The following CDH10 variants were observed in gnomAD, a reference collection of about 807,000 sequenced individuals.
CDH10 encodes the protein cadherin-10.
CDH10 carries 30 observed loss-of-function variants against 73.1 expected under a neutral mutation model. The observed-to-expected ratio is 0.41, with a 90% CI of 0.31 to 0.56. The LOEUF (loss-of-function observed/expected upper bound fraction) is 0.56. CDH10 is among the 20% of genes least tolerant of loss of function. The pLI is 0.27. For missense variants in CDH10, 815 were observed against 973.7 expected, an observed-to-expected ratio of 0.84 and a Z score of 2.17; for synonymous variants, 345 against 348.2, an observed-to-expected ratio of 0.99 and a Z score of 0.10.
intron 2 of CDH10, among the ~76,000 whole-genome samples, chr5:24,540,936 G>T (rs984601381): frequency 2.6e-5 from 4 of 151,876 alleles, no homozygotes; most frequent in African/African-American, 9.7e-5. Flanking sequence ...TAATCTAATT[G>T]TACATAAAAC....
chr5:24,521,389 G>A (rs1718981170), intron 5 of CDH10, among the ~76,000 whole-genome samples: 1 of 152,020 alleles, frequency 6.6e-6, no homozygotes, highest in Admixed American at 6.6e-5. Flanking sequence ...TACTAAAAAT[G>A]CAAAATTAGC....
chr5:24,551,767 T>G (rs1328937879), intron 2 of CDH10, among the ~76,000 whole-genome samples: 1 of 152,188 alleles, frequency 6.6e-6, no homozygotes, highest in Admixed American at 6.6e-5. Flanking sequence ...GCCCATCATC[T>G]GCTTTAGAAC....
intron 5 of CDH10, among the ~76,000 whole-genome samples, chr5:24,531,311 G>A (rs958549793): frequency 3.9e-5 from 6 of 152,000 alleles, no homozygotes; most frequent in African/African-American, 1.4e-4. Context: ...TTTTACTTAT[G>A]TATGATTTGT....
chr5:24,514,490 A>AT (rs1223486330), intron 5 of CDH10, among the ~76,000 whole-genome samples: 1 of 152,158 alleles, frequency 6.6e-6, no homozygotes, highest in Non-Finnish European at 1.5e-5. Flanking sequence ...ATAGTTCACT[A>AT]TGATTCTACC....
chr5:24,495,514 G>T (rs999724937), intron 9 of CDH10, among the ~76,000 whole-genome samples: 1 of 151,912 alleles, frequency 6.6e-6, no homozygotes, highest in Non-Finnish European at 1.5e-5. Flanking sequence ...GGGAAGCCTT[G>T]GAGTTTCCGT....
chr5:24,579,556 C>T (rs1745720126), intron 2 of CDH10, among the ~76,000 whole-genome samples: 1 of 152,054 alleles, frequency 6.6e-6, no homozygotes, highest in African/African-American at 2.4e-5. Flanking sequence ...CTCACTACAT[C>T]ATGAAATTAC....
At chr5:24,600,601 C>T (rs72752036) in intron 1 of CDH10, among the ~76,000 whole-genome samples, 14,556 of 151,682 alleles carry the variant, frequency 0.096, 784 homozygotes, top group Middle Eastern at 0.13. Context: ...GGTGTGCGTG[C>T]GTGCGTGTGT....
chr5:24,643,572 G>A (rs1748125458), intron 1 of CDH10, among the ~76,000 whole-genome samples: 2 of 151,976 alleles, frequency 1.3e-5, no homozygotes. Context: ...TCTCCAAAGA[G>A]CTGAGAAGTA....
chr5:24,567,862 C>G (rs1425429820), intron 2 of CDH10, among the ~76,000 whole-genome samples: 1 of 151,842 alleles, frequency 6.6e-6, no homozygotes, highest in South Asian at 2.1e-4. Flanking sequence ...AAGTAGTATC[C>G]CTTCTTCCTA....
At chr5:24,602,390 C>T (rs1746595648) in intron 1 of CDH10, among the ~76,000 whole-genome samples, 1 of 152,074 alleles carries the variant, frequency 6.6e-6, no homozygotes, top group South Asian at 2.1e-4. Flanking sequence ...CTGTAAACTG[C>T]CATTCATTCA....
At chr5:24,606,775 C>T (rs976789827) in intron 1 of CDH10, among the ~76,000 whole-genome samples, 2 of 152,094 alleles carry the variant, frequency 1.3e-5, no homozygotes, top group African/African-American at 4.8e-5. Context: ...ATGAATTACA[C>T]AGGAAGCAAA....
intron 2 of CDH10, among the ~76,000 whole-genome samples, chr5:24,564,532 TG>T (rs1265172183): frequency 6.6e-6 from 1 of 152,150 alleles, no homozygotes; most frequent in African/African-American, 2.4e-5. Context: ...GTGCTGCTGA[TG>T]GAGCTGAGAC....
chr5:24,552,792 G>A (rs931651594), intron 2 of CDH10, among the ~76,000 whole-genome samples: 2 of 151,456 alleles, frequency 1.3e-5, no homozygotes, highest in Non-Finnish European at 2.9e-5. Flanking sequence ...TTTTTTAACT[G>A]AATCACAAAT....
chr5:24,568,030 A>G (rs2112012199), intron 2 of CDH10, among the ~76,000 whole-genome samples: 1 of 152,234 alleles, frequency 6.6e-6, no homozygotes, highest in East Asian at 1.9e-4. Context: ...TTTTCCCATA[A>G]TTTTATAGAG....
At position 24,487,655 on chromosome 5, in the gene CDH10, A is replaced by G. The variant is rs1270710236; in HGVS notation, c.*8T>C. Reference sequence around the variant, plus strand: ...TTTCTCTTGTTTGAACAGAACATATATCCTACGTTAAGAGTCTTTGTCACT... The same window carrying G: ...TTTCTCTTGTTTGAACAGAACATATGTCCTACGTTAAGAGTCTTTGTCACT... On this transcript the variant is annotated 3_prime_UTR_variant, in exon 12 of 12. Transcript: ENST00000264463. The G allele has an allele frequency of 6.2e-7, 1 of 1,605,282 alleles. No individual in the cohort carries two copies.
chr5:24,569,808 G>A (rs904309705), intron 2 of CDH10, among the ~76,000 whole-genome samples: 1 of 151,616 alleles, frequency 6.6e-6, no homozygotes, highest in Non-Finnish European at 1.5e-5. Flanking sequence ...TGTCGCCCAG[G>A]CTGGAGTGCA....
intron 1 of CDH10, among the ~76,000 whole-genome samples, chr5:24,598,848 T>C (rs28643406): frequency 0.08 from 12,183 of 152,192 alleles, 633 homozygotes; most frequent in South Asian, 0.15. Context: ...GGTAATACAC[T>C]TCTCCAGCTA....
chr5:24,571,548 T>G (rs1441626946), intron 2 of CDH10, among the ~76,000 whole-genome samples: 1 of 152,094 alleles, frequency 6.6e-6, no homozygotes, highest in Non-Finnish European at 1.5e-5. Context: ...AATTTTATAT[T>G]GGCCATGAGA....
intron 2 of CDH10, among the ~76,000 whole-genome samples, chr5:24,539,991 A>G (rs116452732): frequency 6.6e-6 from 1 of 152,072 alleles, no homozygotes; most frequent in Non-Finnish European, 1.5e-5. Flanking sequence ...TACAGTAGAC[A>G]GTTATATTTA....
Sources: gnomAD v4.1 joint callset for allele counts (sites outside exome capture counted in the v4.1 genomes callset) on GRCh38, gnomAD v4.1.1 for gene constraint, MANE v1.5 for transcripts, NCBI Gene and HGNC (gene_info 2026-07-23, HGNC 2026-07-21) for gene names.